The following HDAC9 variants were observed in gnomAD, a reference collection of about 807,000 sequenced individuals.
HDAC9 encodes MEF-2 interacting transcription repressor (MITR) protein.
Under a neutral mutation model 139.4 loss-of-function variants are expected in HDAC9, and 41 were observed. That is an observed-to-expected ratio of 0.29 (90% confidence interval 0.23 to 0.38). The LOEUF (loss-of-function observed/expected upper bound fraction) is 0.38, where lower values mean the gene tolerates loss of function less well. HDAC9 is among the 10% of genes least tolerant of loss of function. HDAC9 has a pLI of 1.00. For missense variants in HDAC9, 1,147 were observed against 1,297.0 expected, an observed-to-expected ratio of 0.88 and a Z score of 1.78; for synonymous variants, 517 against 476.2, an observed-to-expected ratio of 1.09 and a Z score of -1.12.
At chr7:18,703,409 A>T (rs1783655013) in intron 12 of HDAC9, among the ~76,000 whole-genome samples, 1 of 152,186 alleles carries the variant, frequency 6.6e-6, no homozygotes, top group East Asian at 1.9e-4. Context: ...AAAATATATC[A>T]AAAGTAGCAA....
intron 3 of HDAC9, among the ~76,000 whole-genome samples, chr7:18,586,922 A>G (rs1454362680): frequency 6.6e-6 from 1 of 152,130 alleles, no homozygotes; most frequent in Non-Finnish European, 1.5e-5. Flanking sequence ...GACCTTTGAA[A>G]CAATAATAGA....
intron 22 of HDAC9, among the ~76,000 whole-genome samples, chr7:18,879,593 A>T (rs1799572550): frequency 6.6e-6 from 1 of 152,178 alleles, no homozygotes; most frequent in East Asian, 1.9e-4. Flanking sequence ...TGGTACTGAG[A>T]TAACTCGCTA....
intron 1 of HDAC9, among the ~76,000 whole-genome samples, chr7:18,396,963 C>T (rs1309186024): frequency 6.6e-6 from 1 of 151,822 alleles, no homozygotes; most frequent in East Asian, 1.9e-4. Context: ...CTCCCAATAC[C>T]GATTGCTCCC....
chr7:18,723,587 G>A (rs185051455), intron 12 of HDAC9, among the ~76,000 whole-genome samples: 1 of 152,236 alleles, frequency 6.6e-6, no homozygotes, highest in African/African-American at 2.4e-5. Context: ...GGACAGGTAG[G>A]ATGCTGCTTA....
chr7:18,441,748 C>T lies in HDAC9; in HGVS notation c.-41-54514C>T, dbSNP rs1791781399. On this transcript the variant is annotated intron_variant, in intron 1 of 3. Transcript: ENST00000413509. ...CCAGAAAGGGACATATATATATACA[C>T]ACACACATATATGTTTTGTTGTTGT... 4.0e-5 allele frequency among the ~76,000 whole-genome samples: 6 copies of T among 151,714 alleles called. No individual in the cohort carries two copies. The South Asian group carries it at 1.2e-3, about 31-fold the overall frequency.
At chr7:18,274,818 A>G (rs922785521) in intron 2 of HDAC9, among the ~76,000 whole-genome samples, 1 of 152,218 alleles carries the variant, frequency 6.6e-6, no homozygotes. Context: ...ACACTGCTAT[A>G]TATTCTTTAA....
At chr7:18,340,977 T>A (rs1781961601) in intron 1 of HDAC9, among the ~76,000 whole-genome samples, 2 of 151,528 alleles carry the variant, frequency 1.3e-5, no homozygotes, top group Non-Finnish European at 3.0e-5. Context: ...ATATTTTGGC[T>A]GGGTATAGAA....
In HDAC9 at chr7:18,789,286, G is replaced by GCGCGCACACACACACACACACA. The variant is rs146066951; in HGVS notation, c.2215-4058_2215-4057insGCGCACACACACACACACACAC. Among the ~76,000 whole-genome samples the GCGCGCACACACACACACACACA allele has an allele frequency of 3.1e-3, 455 of 148,494 alleles. 3 individuals are homozygous for GCGCGCACACACACACACACACA. The highest frequency in any genetic ancestry group is 8.1e-3 in the African/African-American group (324 of 39,970). On this transcript the variant is annotated intron_variant, in intron 16 of 25. Transcript: ENST00000686413. ...TTAATGCACACGCAGACACATACAC[G>GCGCGCACACACACACACACACA]CACACACACACACACACACACACAG...
chr7:18,633,781 A>G (rs1391428068), intron 7 of HDAC9, among the ~76,000 whole-genome samples: 1 of 152,074 alleles, frequency 6.6e-6, no homozygotes, highest in Non-Finnish European at 1.5e-5. Context: ...GCTTGATAAG[A>G]TGACTTCTCT....
upstream of HDAC9, chr7:18,086,854 C>G (rs1781816153): frequency 6.8e-6 from 1 of 147,664 alleles, no homozygotes; most frequent in Non-Finnish European, 1.5e-5. Flanking sequence ...GCCGCCCGCT[C>G]AGCTCGCAGC....
At chr7:18,738,542 A>C (rs1182470156) in intron 13 of HDAC9, among the ~76,000 whole-genome samples, 1 of 152,188 alleles carries the variant, frequency 6.6e-6, no homozygotes, top group Non-Finnish European at 1.5e-5. Flanking sequence ...TGGATATGAA[A>C]TTCTGGGTTG....
chr7:18,620,387 G>C (rs1232158445), intron 6 of HDAC9, among the ~76,000 whole-genome samples: 3 of 151,624 alleles, frequency 2.0e-5, no homozygotes, highest in Non-Finnish European at 2.9e-5. Context: ...TGTTAAAAAT[G>C]ATAATTTGTT....
At chr7:18,398,498 T>G (rs1178815642) in intron 1 of HDAC9, among the ~76,000 whole-genome samples, 1 of 152,182 alleles carries the variant, frequency 6.6e-6, no homozygotes, top group East Asian at 1.9e-4. Flanking sequence ...TTTTGTCTTT[T>G]ATAGCTTACA....
chr7:18,714,444 T>C (rs1468311547), intron 12 of HDAC9, among the ~76,000 whole-genome samples: 2 of 152,192 alleles, frequency 1.3e-5, no homozygotes, highest in Admixed American at 6.5e-5. Flanking sequence ...AAGTACTGCA[T>C]GGCCTCCACA....
At chr7:18,717,453 C>T (rs1270666181) in intron 12 of HDAC9, among the ~76,000 whole-genome samples, 1 of 132,812 alleles carries the variant, frequency 7.5e-6, no homozygotes. Flanking sequence ...TTTTTTGAGA[C>T]GGAATTTTGC....
chr7:18,905,696 T>C (rs1046418275), intron 22 of HDAC9, among the ~76,000 whole-genome samples: 7 of 152,334 alleles, frequency 4.6e-5, no homozygotes, highest in Middle Eastern at 3.4e-3. Flanking sequence ...GGGATTTCCA[T>C]TGCAGATGAG....
chr7:18,333,794 G>T (rs888223724), intron 1 of HDAC9, among the ~76,000 whole-genome samples: 1 of 151,320 alleles, frequency 6.6e-6, no homozygotes, highest in Non-Finnish European at 1.5e-5. Context: ...TAAAGTTAAA[G>T]AATCAGTAAA....
At chr7:18,711,922 C>T (rs1012088278) in intron 12 of HDAC9, among the ~76,000 whole-genome samples, 2 of 143,194 alleles carry the variant, frequency 1.4e-5, no homozygotes, top group African/African-American at 5.5e-5. Flanking sequence ...TCTCATTTCT[C>T]ACCATACTTC....
chr7:18,808,473 T>G (rs983399536), intron 17 of HDAC9, among the ~76,000 whole-genome samples: 4 of 152,040 alleles, frequency 2.6e-5, no homozygotes, highest in African/African-American at 9.7e-5. Flanking sequence ...TTGGGAAAGT[T>G]ATAGGATACA....
Sources: gnomAD v4.1 joint callset for allele counts (sites outside exome capture counted in the v4.1 genomes callset) on GRCh38, gnomAD v4.1.1 for gene constraint, MANE v1.5 for transcripts, NCBI Gene and HGNC (gene_info 2026-07-23, HGNC 2026-07-21) for gene names.